EPB41L4A: variants seen among roughly 807,000 people sequenced by gnomAD.
The protein encoded by EPB41L4A is band 4.1-like protein 4A.
In EPB41L4A, 100 loss-of-function variants were observed where a neutral mutation model predicts 108.6. That is an observed-to-expected ratio of 0.92 (90% CI 0.78 to 1.09). The LOEUF (loss-of-function observed/expected upper bound fraction) is 1.09, where lower values mean the gene tolerates loss of function less well. Ranked by LOEUF, EPB41L4A falls within the 50% of genes least tolerant of loss-of-function variation. The probability of loss-of-function intolerance (pLI) is 0.00; values close to 1 mark genes in which losing one functional copy is unlikely to be tolerated. For missense variants in EPB41L4A, 1,030 were observed against 842.7 expected, an observed-to-expected ratio of 1.22 and a Z score of -2.75; for synonymous variants, 319 against 289.0, an observed-to-expected ratio of 1.10 and a Z score of -1.05.
chr5:112,242,556 A>C (rs565898558), intron 9 of EPB41L4A, among the ~76,000 whole-genome samples: 1 of 152,044 alleles, frequency 6.6e-6, no homozygotes, highest in Non-Finnish European at 1.5e-5. Context: ...CTTCTTTCAA[A>C]CTCCTGCTAA....
intron 22 of EPB41L4A, among the ~76,000 whole-genome samples, chr5:112,167,911 C>T (rs1482553070): frequency 6.6e-6 from 1 of 152,204 alleles, no homozygotes; most frequent in Non-Finnish European, 1.5e-5. Context: ...AAAAACTGTA[C>T]ATGTGCTTAG....
intron 12 of EPB41L4A, among the ~76,000 whole-genome samples, chr5:112,213,336 G>A (rs1010821979): frequency 7.3e-6 from 1 of 137,604 alleles, no homozygotes; most frequent in African/African-American, 2.7e-5. Context: ...CTGTTAACAT[G>A]TACAGTTTTT....
intron 18 of EPB41L4A, among the ~76,000 whole-genome samples, chr5:112,182,791 T>C (rs1761222510): frequency 8.0e-6 from 1 of 125,178 alleles, no homozygotes; most frequent in Non-Finnish European, 1.6e-5. Context: ...TAAACTTCCT[T>C]TTTTTTTTAA....
At chr5:112,203,382 C>A (rs1055734073) in intron 15 of EPB41L4A, among the ~76,000 whole-genome samples, 3 of 151,862 alleles carry the variant, frequency 2.0e-5, no homozygotes, top group South Asian at 2.1e-4. Flanking sequence ...ACCACAAAAA[C>A]CAAAAAAAGG....
At chr5:112,398,673 G>A (rs148376971) in intron 1 of EPB41L4A, among the ~76,000 whole-genome samples, 3 of 152,096 alleles carry the variant, frequency 2.0e-5, no homozygotes, top group Non-Finnish European at 4.4e-5. Flanking sequence ...ACAGGCTTCT[G>A]AACCACCATG....
At chr5:112,354,474 T>C (rs1255277476) in intron 1 of EPB41L4A, among the ~76,000 whole-genome samples, 1 of 152,164 alleles carries the variant, frequency 6.6e-6, no homozygotes, top group Non-Finnish European at 1.5e-5. Context: ...CAGATAGGCA[T>C]AGAAAAATGA....
At position 112,204,358 on chromosome 5, in the gene EPB41L4A, G is replaced by C. The variant is rs746450736; in HGVS notation, c.1376+17C>G. 15 of 1,550,578 alleles carry C rather than the reference G, an allele frequency of 9.7e-6. No individual in the cohort carries two copies. The East Asian group carries it at 3.1e-4, about 32-fold the overall frequency. On this transcript the variant is annotated intron_variant, in intron 15 of 22. Coordinates refer to ENST00000261486, the MANE Select transcript of EPB41L4A (RefSeq NM_022140.5). ...TTCTGTTGAAAGCTGCTAACAGAGA[G>C]ATTGTGTTCCGCTTACCTCCTCCTC...
chr5:112,375,341 A>T (rs1211819597), intron 1 of EPB41L4A, among the ~76,000 whole-genome samples: 3 of 150,662 alleles, frequency 2.0e-5, no homozygotes, highest in African/African-American at 7.4e-5. Flanking sequence ...ACACATACAC[A>T]CACACACACA....
intron 1 of EPB41L4A, among the ~76,000 whole-genome samples, chr5:112,358,770 CTTTA>C (rs1580752331): frequency 6.6e-6 from 1 of 152,146 alleles, no homozygotes; most frequent in African/African-American, 2.4e-5. Context: ...TTCAGGGCAG[CTTTA>C]TTTGTGATAG....
At chr5:112,268,842 CAAAAAAAAA>C (rs34983995) in intron 4 of EPB41L4A, among the ~76,000 whole-genome samples, 5 of 55,894 alleles carry the variant, frequency 8.9e-5, no homozygotes, top group Non-Finnish European at 1.5e-4. Context: ...GACCTTCTCT[CAAAAAAAAA>C]AAAAAAAAAA....
chr5:112,298,549 C>T (rs940799962), intron 2 of EPB41L4A, among the ~76,000 whole-genome samples: 2 of 151,928 alleles, frequency 1.3e-5, no homozygotes, highest in Admixed American at 1.3e-4. Flanking sequence ...TTGATTATGG[C>T]GGATTATCTT....
intron 12 of EPB41L4A, among the ~76,000 whole-genome samples, chr5:112,221,699 G>A (rs755973777): frequency 2.6e-5 from 4 of 152,148 alleles, no homozygotes; most frequent in Non-Finnish European, 5.9e-5. Flanking sequence ...TTATGCCAAA[G>A]AGGTGCCCAA....
chr5:112,398,930 GA>G (rs60463095), intron 1 of EPB41L4A, among the ~76,000 whole-genome samples: 7,945 of 108,186 alleles, frequency 0.073, 398 homozygotes, highest in African/African-American at 0.15. Context: ...GTCTATCCTA[GA>G]AAAAAAAAAA....
intron 12 of EPB41L4A, among the ~76,000 whole-genome samples, chr5:112,148,251 T>C (rs924361500): frequency 1.3e-5 from 2 of 149,350 alleles, no homozygotes; most frequent in African/African-American, 4.9e-5. Context: ...GTAGTTTCCA[T>C]AGGTTTCTTT....
intron 13 of EPB41L4A, among the ~76,000 whole-genome samples, chr5:112,208,439 A>C (rs150044857): frequency 1.7e-3 from 255 of 152,268 alleles, no homozygotes; most frequent in African/African-American, 5.9e-3. Context: ...ACACGGACGC[A>C]ACTGGAGGCT....
chr5:112,174,491 T>G (rs1424490537), intron 18 of EPB41L4A, among the ~76,000 whole-genome samples: 1 of 152,194 alleles, frequency 6.6e-6, no homozygotes, highest in Non-Finnish European at 1.5e-5. Flanking sequence ...TTCAAAAGCA[T>G]CCCTCCTCCA....
intron 1 of EPB41L4A, among the ~76,000 whole-genome samples, chr5:112,351,938 A>C (rs1758068851): frequency 6.6e-6 from 1 of 152,216 alleles, no homozygotes; most frequent in Non-Finnish European, 1.5e-5. Context: ...CATTTGATAA[A>C]ATGTAACATT....
intron 1 of EPB41L4A, among the ~76,000 whole-genome samples, chr5:112,328,343 G>C (rs1756323416): frequency 6.6e-6 from 1 of 152,064 alleles, no homozygotes; most frequent in African/African-American, 2.4e-5. Flanking sequence ...AGAAAGATGT[G>C]AGAAGTTAAA....
intron 9 of EPB41L4A, chr5:112,249,296 G>A (rs1201766790): frequency 6.6e-6 from 1 of 152,056 alleles, no homozygotes; most frequent in African/African-American, 2.4e-5. Context: ...ACTCAGTTTA[G>A]GTTCCAGGGA....
Sources: allele counts gnomAD v4.1 joint callset (sites outside exome capture counted in the v4.1 genomes callset), GRCh38; gene constraint gnomAD v4.1.1; transcripts MANE v1.5; gene names NCBI Gene and HGNC (gene_info 2026-07-23, HGNC 2026-07-21).